The following EYA3 variants were observed in gnomAD, a reference collection of about 807,000 sequenced individuals.
EYA3 encodes the protein EYA transcriptional coactivator and phosphatase 3, also known as protein phosphatase EYA3.
Under a neutral mutation model 80.0 loss-of-function variants are expected in EYA3, and 39 were observed. The observed-to-expected ratio is 0.49, with a 90% CI of 0.38 to 0.64. EYA3 has a LOEUF of 0.64. Among genes scored for constraint, EYA3 ranks in the 30% least tolerant of loss-of-function variants. The probability of loss-of-function intolerance (pLI) is 0.00; values close to 1 mark genes in which losing one functional copy is unlikely to be tolerated. For missense variants in EYA3, 523 were observed against 676.1 expected (o/e 0.77, Z 2.51); for synonymous variants, 206 against 232.8 (o/e 0.88, Z 1.05).
intron 14 of EYA3, among the ~76,000 whole-genome samples, chr1:27,992,705 T>C (rs898846555): frequency 6.6e-6 from 1 of 152,102 alleles, no homozygotes; most frequent in Non-Finnish European, 1.5e-5. Flanking sequence ...GACCAAAAAG[T>C]TAGGGAATGT....
intron 3 of EYA3, 28 bp from the exon 4 acceptor site, chr1:28,042,678 C>T (rs769835070): frequency 3.2e-6 from 5 of 1,585,734 alleles, no homozygotes; most frequent in Non-Finnish European, 4.3e-6. Context: ...AATACATTAG[C>T]CCCTGATTGA....
chr1:28,036,686 C>A (rs1407569558), intron 5 of EYA3, among the ~76,000 whole-genome samples: 1 of 152,218 alleles, frequency 6.6e-6, no homozygotes, highest in Non-Finnish European at 1.5e-5. Flanking sequence ...TGGGACTTTA[C>A]ACTAGCTAGC....
Position 28,013,246 on chromosome 1 carries a change from AG to A in EYA3, c.633del (p.Tyr212ThrfsTer21). 6.2e-7 allele frequency: 1 copy of A among 1,614,188 alleles called. No homozygotes were observed. Among genetic ancestry groups the A allele is most frequent in the Non-Finnish European group, 8.5e-7 (1 of 1,180,004 alleles). ...TILGQNQYQACYPSSSFGVTG... is the reference protein window; with the variant it reads ...TILGQNQYQAXYPSSSFGVTG... ...GTGACTCCAAAGCTGGAGCTGGGGT[AG>A]CAGGCCTGGTACTGATTCTGACCAA... On this transcript the variant is annotated frameshift_variant, in exon 9 of 18. Transcript: ENST00000373871. LOFTEE classifies it high-confidence loss of function. The surrounding 1 kb of genome is among the most constrained non-coding windows in gnomAD (Gnocchi z 4.0).
chr1:28,000,083 G>C (rs777949415), intron 11 of EYA3, 34 bp from the exon 12 acceptor site: 4 of 1,460,246 alleles, frequency 2.7e-6, no homozygotes, highest in South Asian at 1.2e-5. Flanking sequence ...AGCTTGACTT[G>C]GTAGTCACAG....
intron 1 of EYA3, among the ~76,000 whole-genome samples, chr1:28,063,295 A>G (rs1644703047): frequency 8.1e-6 from 1 of 123,116 alleles, no homozygotes. Context: ...AGTGCCTTAT[A>G]TATATATATA....
Position 27,974,351 on chromosome 1 carries a change from G to T in EYA3, c.*115C>A. 1.5e-6 allele frequency: 1 copy of T among 667,216 alleles called. No homozygotes were observed. The highest frequency in any genetic ancestry group is 2.6e-6 in the Non-Finnish European group (1 of 387,586). The allele number at this position is 667,216 out of a possible 1,614,324, so 41.3% of individuals were successfully genotyped here. On this transcript the variant is annotated 3_prime_UTR_variant, in exon 18 of 18. Transcript: ENST00000373871. ...AGAGAGAAAGAGAGAAAGAGAGAGA[G>T]ATAGAGACAGAGACACAGAGAGAGA...
intron 14 of EYA3, among the ~76,000 whole-genome samples, chr1:27,991,519 A>C (rs1217269207): frequency 4.6e-5 from 7 of 152,212 alleles, no homozygotes; most frequent in African/African-American, 9.6e-5. Context: ...AATTTTCTAC[A>C]GTGAAGGTTA....
chr1:28,010,166 T>C (rs1024110280), intron 10 of EYA3, among the ~76,000 whole-genome samples: 1 of 152,152 alleles, frequency 6.6e-6, no homozygotes, highest in African/African-American at 2.4e-5. Context: ...AATAGCACTA[T>C]AGAAAAACGG....
chr1:28,023,368 A>T (rs1642576324), intron 7 of EYA3, among the ~76,000 whole-genome samples: 1 of 152,228 alleles, frequency 6.6e-6, no homozygotes, highest in African/African-American at 2.4e-5. Context: ...TGGGCTGTAC[A>T]TAGTGAATTC....
chr1:27,974,150 A>G lies in EYA3; in HGVS notation c.*316T>C. The stretch of plus-strand genomic sequence containing the variant: ...GTGAGTCCATTGTTCTCTCTATCCA[A>G]CTGTCCCTGCTTCTGTATGGAGATG... On this transcript the variant is annotated 3_prime_UTR_variant, in exon 18 of 18. Transcript: ENST00000373871. 5.4e-6 allele frequency: 1 copy of G among 184,334 alleles called. No homozygotes were observed. The highest frequency in any genetic ancestry group is 1.3e-4 in the East Asian group (1 of 7,676). 11.4% of individuals were successfully genotyped at this position (184,334 alleles called of 1,614,324 possible). A position where few individuals can be genotyped will look rare whatever the true frequency, so the allele number is the denominator to read the frequency against.
intron 3 of EYA3, among the ~76,000 whole-genome samples, chr1:28,044,209 CA>C (rs1421714205): frequency 6.6e-6 from 1 of 152,142 alleles, no homozygotes; most frequent in African/African-American, 2.4e-5. Flanking sequence ...TATTATGTCC[CA>C]TTATAGCACA....
chr1:28,027,970 C>T (rs1239622612), intron 6 of EYA3, 44 bp from the exon 7 acceptor site: 1 of 1,608,942 alleles, frequency 6.2e-7, no homozygotes, highest in Non-Finnish European at 8.5e-7. Flanking sequence ...TACACTGGGA[C>T]TGAGGAGCAT....
chr1:28,068,577 A>G (rs1644915055), intron 1 of EYA3, among the ~76,000 whole-genome samples: 1 of 151,848 alleles, frequency 6.6e-6, no homozygotes, highest in Admixed American at 6.6e-5. Context: ...TTAGAGGAAT[A>G]AAGAGCTTAG....
At chr1:28,078,423 A>C (rs898388773) in intron 1 of EYA3, among the ~76,000 whole-genome samples, 2 of 152,238 alleles carry the variant, frequency 1.3e-5, no homozygotes, top group Non-Finnish European at 2.9e-5. Flanking sequence ...AACTCATCAT[A>C]GTCACAAACA....
chr1:27,983,210 A>G (rs1453381888), intron 16 of EYA3, among the ~76,000 whole-genome samples: 1 of 152,194 alleles, frequency 6.6e-6, no homozygotes, highest in Non-Finnish European at 1.5e-5. Flanking sequence ...ATAAGTGGGC[A>G]CGGTTTCAAT....
At position 27,997,320 on chromosome 1, in the gene EYA3, C is replaced by G; in HGVS notation, c.1142G>C (p.Ser381Thr). The change falls in exon 13 of 18, where the codon AGC becomes ACC. Residue 381 changes from serine (S) to threonine (T), a missense_variant and splice_region_variant. Ser to Thr is a moderately conservative substitution (Grantham distance 58). Around this residue, in one of 2 missense-constraint regions of EYA3, gnomAD observed 219 missense variants for 332.8 expected, o/e 0.66. Transcript: ENST00000373871. Reference sequence around the variant, plus strand: ...GTTCAAGAATCATTATGTTTATCACCTCAAGTCTTGGCCATTGTCATCAGA... The same window carrying G: ...GTTCAAGAATCATTATGTTTATCACGTCAAGTCTTGGCCATTGTCATCAGA... ...VASDDNGQDL[S>T]NYSFSTDGFS... 6.2e-7 allele frequency: 1 copy of G among 1,613,914 alleles called. No homozygotes were observed. The highest frequency in any genetic ancestry group is 8.5e-7 in the Non-Finnish European group (1 of 1,179,788).
intron 4 of EYA3, among the ~76,000 whole-genome samples, chr1:28,041,379 AAAC>A (rs1349877597): frequency 3.3e-5 from 5 of 151,350 alleles, no homozygotes; most frequent in Admixed American, 1.3e-4. Context: ...AAATACAAAC[AAAC>A]AACAACAAAA....
intron 1 of EYA3, among the ~76,000 whole-genome samples, chr1:28,075,286 T>G (rs1369833342): frequency 2.6e-5 from 4 of 152,230 alleles, no homozygotes; most frequent in Non-Finnish European, 5.9e-5. Context: ...TCCCAGCTTT[T>G]CCTTTTAAGC....
intron 1 of EYA3, among the ~76,000 whole-genome samples, chr1:28,078,523 T>C (rs906334258): frequency 6.6e-6 from 1 of 152,034 alleles, no homozygotes; most frequent in Admixed American, 6.5e-5. Context: ...CTAAGTACTT[T>C]TAATATATTA....
Sources: gnomAD v4.1 joint callset for allele counts (sites outside exome capture counted in the v4.1 genomes callset) on GRCh38, gnomAD v4.1.1 for gene constraint, gnomAD v4.1.1 regional missense constraint, Gnocchi (gnomAD v3.1) non-coding constraint, MANE v1.5 for transcripts, NCBI Gene and HGNC (gene_info 2026-07-23, HGNC 2026-07-21) for gene names.